MAF: variants seen among roughly 807,000 people sequenced by gnomAD.
MAF encodes the protein MAF bZIP transcription factor, also known as transcription factor Maf.
Under a neutral mutation model 22.0 loss-of-function variants are expected in MAF, and 10 were observed. That is an observed-to-expected ratio of 0.45 (90% CI 0.28 to 0.77). The LOEUF (loss-of-function observed/expected upper bound fraction) is 0.77. MAF is among the 30% of genes least tolerant of loss of function. The pLI is 0.12. For missense variants in MAF, 544 were observed against 548.4 expected (o/e 0.99, Z 0.08); for synonymous variants, 337 against 255.8 (o/e 1.32, Z -3.03).
rs1913764724 is a variant in MAF, at chr16:79,598,828, T to C, written c.1075A>G (p.Asn359Asp). The change falls in exon 1 of 2, where the codon AAC becomes GAC. Residue 359 changes from asparagine (N) to aspartate (D), a missense_variant. Physicochemically the swap from Asn to Asp is conservative, Grantham distance 23 (BLOSUM62 1). Around this residue, in one of 5 missense-constraint regions of MAF, gnomAD observed 129 missense variants for 113.6 expected, o/e 1.14. Transcript: ENST00000326043. Reference protein sequence around the residue: ...EKLVSSGFRENGSSSDNPSSP... With the variant: ...EKLVSSGFREDGSSSDNPSSP... ...GACGGGTTGTCGCTGCTCGAGCCGT[T>C]TTCTCGGAAGCCGCTGCTCACCAAC... 5 of 1,613,786 alleles carry C rather than the reference T, an allele frequency of 3.1e-6. No homozygotes were observed. The highest frequency in any genetic ancestry group is 4.2e-6 in the Non-Finnish European group (5 of 1,179,970).
intron 1 of MAF, chr16:79,586,025 C>T: frequency 1.7e-6 from 1 of 595,536 alleles, no homozygotes; most frequent in Non-Finnish European, 2.9e-6. Context: ...TACAGGCAGC[C>T]TAACTATCTA....
the MAF span, among the ~76,000 whole-genome samples, chr16:79,426,256 G>A: frequency 6.4e-4 from 98 of 152,138 alleles, no homozygotes; most frequent in East Asian, 2.5e-3. Context: ...AATACATGCC[G>A]GATTTCGAAG....
the MAF span, among the ~76,000 whole-genome samples, chr16:79,501,398 T>C: frequency 6.6e-6 from 1 of 152,194 alleles, no homozygotes; most frequent in Non-Finnish European, 1.5e-5. Flanking sequence ...TAAGTTCACA[T>C]TCTGGGGTTC....
At chr16:79,588,079 T>G (rs1182029125) in intron 1 of MAF, among the ~76,000 whole-genome samples, 10 of 152,220 alleles carry the variant, frequency 6.6e-5, no homozygotes. Flanking sequence ...CTCTTACACT[T>G]GGATCTGTTT....
the MAF span, among the ~76,000 whole-genome samples, chr16:79,570,616 G>A: frequency 2.6e-5 from 4 of 152,192 alleles, no homozygotes; most frequent in Non-Finnish European, 4.4e-5. Flanking sequence ...TGTGCCGCTA[G>A]GTGTTTAACA....
chr16:79,309,237 A>T, the MAF span, among the ~76,000 whole-genome samples: 2 of 152,134 alleles, frequency 1.3e-5, no homozygotes, highest in Non-Finnish European at 1.5e-5. Context: ...TAATTCGGAG[A>T]CTGGCCTCAT....
the MAF span, among the ~76,000 whole-genome samples, chr16:79,542,201 G>C: frequency 6.6e-6 from 1 of 152,172 alleles, no homozygotes; most frequent in Non-Finnish European, 1.5e-5. Context: ...AGAGGGGAGC[G>C]AATGGGAACT....
the MAF span, among the ~76,000 whole-genome samples, chr16:79,488,543 G>C: frequency 6.6e-6 from 1 of 152,108 alleles, no homozygotes; most frequent in South Asian, 2.1e-4. Flanking sequence ...AACAAAACAA[G>C]GAACGGGTCG....
At chr16:79,217,763 C>G in the MAF span, among the ~76,000 whole-genome samples, 1 of 152,082 alleles carries the variant, frequency 6.6e-6, no homozygotes, top group South Asian at 2.1e-4. Context: ...CTTGCTGCAA[C>G]TTATCAATAG....
chr16:79,274,500 G>A, the MAF span, among the ~76,000 whole-genome samples: 1 of 152,080 alleles, frequency 6.6e-6, no homozygotes, highest in Non-Finnish European at 1.5e-5. Flanking sequence ...GGTGTCCAGG[G>A]AGCACTGACA....
chr16:79,221,547 T>C, the MAF span, among the ~76,000 whole-genome samples: 1 of 152,224 alleles, frequency 6.6e-6, no homozygotes, highest in African/African-American at 2.4e-5. Flanking sequence ...GTTTAAAGTA[T>C]TAAAATCACT....
the MAF span, among the ~76,000 whole-genome samples, chr16:79,393,785 A>G: frequency 1.3e-5 from 2 of 152,178 alleles, no homozygotes; most frequent in African/African-American, 2.4e-5. Context: ...GGCAGGATCT[A>G]AAATCAAAAG....
At chr16:79,228,338 A>C in the MAF span, among the ~76,000 whole-genome samples, 1 of 152,114 alleles carries the variant, frequency 6.6e-6, no homozygotes, top group African/African-American at 2.4e-5. Flanking sequence ...CCCATTAACT[A>C]TCAGTCTAAA....
At chr16:79,299,735 C>T in the MAF span, among the ~76,000 whole-genome samples, 609 of 152,340 alleles carry the variant, frequency 4.0e-3, 3 homozygotes, top group African/African-American at 0.014. Flanking sequence ...CAATGCTTTT[C>T]GTTCCTGGCT....
chr16:79,243,554 T>C, the MAF span, among the ~76,000 whole-genome samples: 1 of 151,976 alleles, frequency 6.6e-6, no homozygotes. Context: ...TAACAAGTTC[T>C]GAAAATGATG....
At chr16:79,278,035 C>T in the MAF span, among the ~76,000 whole-genome samples, 2 of 152,146 alleles carry the variant, frequency 1.3e-5, no homozygotes, top group African/African-American at 2.4e-5. Flanking sequence ...TTAATTGGTG[C>T]CCCTGGGGTA....
At chr16:79,483,263 TC>T in the MAF span, among the ~76,000 whole-genome samples, 65 of 40,162 alleles carry the variant, frequency 1.6e-3, no homozygotes, top group Non-Finnish European at 2.2e-3. Context: ...CCCCCGTCCC[TC>T]CCTATCTCCT....
chr16:79,486,329 C>G, the MAF span, among the ~76,000 whole-genome samples: 2 of 152,172 alleles, frequency 1.3e-5, no homozygotes, highest in Non-Finnish European at 2.9e-5. Context: ...GTTATTTTCA[C>G]TCACATTTTG....
chr16:79,487,107 C>A, the MAF span, among the ~76,000 whole-genome samples: 1 of 151,828 alleles, frequency 6.6e-6, no homozygotes, highest in African/African-American at 2.4e-5. Flanking sequence ...GTTTTATATA[C>A]TTTCACAAAG....
Sources: gnomAD v4.1 joint callset for allele counts (sites outside exome capture counted in the v4.1 genomes callset) on GRCh38, gnomAD v4.1.1 for gene constraint, gnomAD v4.1.1 regional missense constraint, MANE v1.5 for transcripts, NCBI Gene and HGNC (gene_info 2026-07-23, HGNC 2026-07-21) for gene names.